The following HMCES variants were observed in gnomAD, a reference collection of about 807,000 sequenced individuals.
The protein encoded by HMCES is abasic site processing protein HMCES.
A neutral mutation model predicts 35.1 loss-of-function variants in HMCES; 27 were observed. The observed-to-expected ratio is 0.77, with a 90% CI of 0.57 to 1.06. The LOEUF is 1.06. HMCES is among the 50% of genes least tolerant of loss of function. The pLI, the probability that HMCES is intolerant of heterozygous loss-of-function variation, is 0.00. For missense variants in HMCES, 391 were observed against 430.4 expected, an observed-to-expected ratio of 0.91 and a Z score of 0.81; for synonymous variants, 130 against 154.7, an observed-to-expected ratio of 0.84 and a Z score of 1.18.
At chr3:129,295,370 G>A (rs1490304698) in intron 4 of HMCES, among the ~76,000 whole-genome samples, 2 of 150,168 alleles carry the variant, frequency 1.3e-5, no homozygotes, top group Non-Finnish European at 3.0e-5. Context: ...TTAGGAGGTC[G>A]AAGTTGCAGT....
chr3:129,302,117 C>A lies in HMCES; in HGVS notation c.803C>A (p.Ala268Asp), dbSNP rs996306005. The A allele has an allele frequency of 6.2e-7, 1 of 1,613,026 alleles. No individual in the cohort carries two copies. Among genetic ancestry groups the A allele is most frequent in the Admixed American group, 1.7e-5 (1 of 59,760 alleles). The change falls in exon 6 of 7, where the codon GCT becomes GAT. Residue 268 changes from alanine to aspartate, a missense_variant. Transcript: ENST00000383463. The stretch of plus-strand genomic sequence containing the variant: ...CGAAACAACACTCCTGAGTGTCTGG[C>A]TCCTGTCGACTTGGTGGTCAAAAAG... Reference protein sequence around the residue: ...NSRNNTPECLAPVDLVVKKEL... With the variant: ...NSRNNTPECLDPVDLVVKKEL...
At position 129,304,855 on chromosome 3, in the gene HMCES, T is replaced by TCTG; in HGVS notation, c.*35_*37dup. On this transcript the variant is annotated 3_prime_UTR_variant, in exon 7 of 7. Transcript: ENST00000383463. ...GGACTTTCAGAGACCAAGGCCAGGGTCTGCTGCACTGCTGTTCTGATAATA... is the reference window on the plus strand; with the variant it reads ...GGACTTTCAGAGACCAAGGCCAGGGTCTGCTGCTGCACTGCTGTTCTGATAATA... The TCTG allele has an allele frequency of 6.6e-7, 1 of 1,516,500 alleles. No homozygotes were observed. Among genetic ancestry groups the TCTG allele is most frequent in the Non-Finnish European group, 9.2e-7 (1 of 1,091,810 alleles). 93.9% of individuals were successfully genotyped at this position (1,516,500 alleles called of 1,614,324 possible).
intron 2 of HMCES, among the ~76,000 whole-genome samples, chr3:129,287,196 T>G (rs140243844): frequency 4.9e-4 from 72 of 147,770 alleles, no homozygotes; most frequent in East Asian, 2.9e-3. Context: ...GTGTTTTTGT[T>G]TTTTTTTGTG....
At chr3:129,293,433 T>G (rs2071048588) in intron 4 of HMCES, among the ~76,000 whole-genome samples, 1 of 152,118 alleles carries the variant, frequency 6.6e-6, no homozygotes, top group South Asian at 2.1e-4. Flanking sequence ...AACACACAAA[T>G]GATTTGGTAC....
intron 5 of HMCES, among the ~76,000 whole-genome samples, chr3:129,300,417 G>A (rs563820448): frequency 6.6e-6 from 1 of 152,092 alleles, no homozygotes; most frequent in Non-Finnish European, 1.5e-5. Flanking sequence ...AGTGGCATTG[G>A]AACAGATTTG....
At chr3:129,290,913 A>T (rs2071006989) in intron 4 of HMCES, 109 bp downstream of exon 4, 3 of 1,184,208 alleles carry the variant, frequency 2.5e-6, no homozygotes, top group Non-Finnish European at 3.5e-6. Context: ...TTTTAAAATA[A>T]CAGCTTTGGC....
At position 129,304,911 on chromosome 3, in the gene HMCES, C is replaced by A; in HGVS notation, c.*86C>A. ...TTAACATTGTATGTATATGTGTTTG[C>A]TTTGGGAGGAGGTGGCACTGTGTTA... On this transcript the variant is annotated 3_prime_UTR_variant, in exon 7 of 7. Transcript: ENST00000383463. 1 of 1,115,856 alleles carries A rather than the reference C, an allele frequency of 9.0e-7. No homozygotes were observed. The allele number at this position is 1,115,856 out of a possible 1,614,324, so 69.1% of individuals were successfully genotyped here. A position where few individuals can be genotyped will look rare whatever the true frequency, so the allele number is the denominator to read the frequency against.
chr3:129,288,836 ATCT>A lies in HMCES; in HGVS notation c.184-14_184-12del, dbSNP rs1576983065. 1 of 1,488,320 alleles carries A rather than the reference ATCT, an allele frequency of 6.7e-7. No homozygotes were observed. Among genetic ancestry groups the A allele is most frequent in the Non-Finnish European group, 9.1e-7 (1 of 1,097,614 alleles). The allele number at this position is 1,488,320 out of a possible 1,614,324, so 92.2% of individuals were successfully genotyped here. ...AATTTCATTATGATCTCCTCACTAG[ATCT>A]TCTCTCCGTGGCAGGATGCAGACTC... On this transcript the variant is annotated splice_polypyrimidine_tract_variant and intron_variant, in intron 2 of 6. Transcript: ENST00000383463.
chr3:129,285,653 C>T (rs376199486), intron 2 of HMCES, among the ~76,000 whole-genome samples: 2 of 151,644 alleles, frequency 1.3e-5, no homozygotes, highest in African/African-American at 4.8e-5. Context: ...CGGGGTTTCA[C>T]CGTGTTAGCC....
chr3:129,279,589 T>G lies in HMCES; in HGVS notation c.-23-121T>G. Reference sequence around the variant, plus strand: ...TTTGTGGGACTTTTTGGGGAAGACTTTAGACGGTGGTCACGGAGGGGCACG... The same window carrying G: ...TTTGTGGGACTTTTTGGGGAAGACTGTAGACGGTGGTCACGGAGGGGCACG... On this transcript the variant is annotated intron_variant, in intron 1 of 6. Transcript: ENST00000383463. The surrounding 1 kb of genome is among the most constrained non-coding windows in gnomAD (Gnocchi z 4.2). 1.0e-6 allele frequency: 1 copy of G among 977,500 alleles called. No individual in the cohort carries two copies. The highest frequency in any genetic ancestry group is 1.5e-6 in the Non-Finnish European group (1 of 662,172). 60.6% of individuals were successfully genotyped at this position (977,500 alleles called of 1,614,324 possible). A position where few individuals can be genotyped will look rare whatever the true frequency, so the allele number is the denominator to read the frequency against.
intron 3 of HMCES, among the ~76,000 whole-genome samples, chr3:129,289,376 C>T (rs561966092): frequency 2.0e-5 from 3 of 152,212 alleles, no homozygotes; most frequent in East Asian, 3.9e-4. Flanking sequence ...ATGCCTAGCT[C>T]GAGGGTGTCA....
intron 4 of HMCES, among the ~76,000 whole-genome samples, chr3:129,291,091 A>G (rs1186488349): frequency 2.6e-5 from 4 of 152,032 alleles, no homozygotes; most frequent in African/African-American, 9.7e-5. Context: ...AGTCCCAGCT[A>G]CTCGGAAGGC....
chr3:129,279,377 C>G lies in HMCES; in HGVS notation c.-23-333C>G, dbSNP rs1940394109. On this transcript the variant is annotated intron_variant, in intron 1 of 6. Transcript: ENST00000383463. This position sits in a 1 kb window ranked among gnomAD's most constrained non-coding sequence, Gnocchi z 4.2. ...GGACGGGGAGTTGGGGGCACCAAGT[C>G]ACCCGGAGGAGGCGACCCCAGCTAG... Among the ~76,000 whole-genome samples, 1 of 152,144 alleles carries G rather than the reference C, an allele frequency of 6.6e-6. No homozygotes were observed.
chr3:129,301,961 T>C lies in HMCES; in HGVS notation c.647T>C (p.Ile216Thr). 6.2e-7 allele frequency: 1 copy of C among 1,613,228 alleles called. No homozygotes were observed. Among genetic ancestry groups the C allele is most frequent in the Non-Finnish European group, 8.5e-7 (1 of 1,179,458 alleles). Residue 216 changes from isoleucine (I) to threonine (T), a missense_variant, in exon 6 of 7, where the codon ATA becomes ACA. Physicochemically the swap from Ile to Thr is moderately conservative, Grantham distance 89 (BLOSUM62 -1). Transcript: ENST00000383463. The stretch of plus-strand genomic sequence containing the variant: ...ACTTCCCTGGCCAGGATGCCTGCCA[T>C]ATTAGATGGAGAGGAGGCAGTTTCT... Reference protein sequence around the residue: ...LSDIHHRMPAILDGEEAVSKW... With the variant: ...LSDIHHRMPATLDGEEAVSKW...
chr3:129,304,793 G>A lies in HMCES; in HGVS notation c.1033G>A (p.Glu345Lys). ...ATGGCTGAAGCGGGAGAAGGAGGAGGAACCTGTGGCCAAGCGTCCTTACAG... is the reference window on the plus strand; with the variant it reads ...ATGGCTGAAGCGGGAGAAGGAGGAGAAACCTGTGGCCAAGCGTCCTTACAG... ...EQWLKREKEE[E>K]PVAKRPYSQ Residue 345 changes from glutamate to lysine, a missense_variant, in exon 7 of 7, where the codon GAA becomes AAA. By Grantham distance (56) the Glu-to-Lys change is moderately conservative. Transcript: ENST00000383463. 1 of 1,614,162 alleles carries A rather than the reference G, an allele frequency of 6.2e-7. No individual in the cohort carries two copies. The highest frequency in any genetic ancestry group is 8.5e-7 in the Non-Finnish European group (1 of 1,180,018).
intron 6 of HMCES, 31 bp downstream of exon 6, chr3:129,302,173 T>C: frequency 6.5e-7 from 1 of 1,541,336 alleles, no homozygotes; most frequent in South Asian, 1.2e-5. Flanking sequence ...CAGTCCTTTT[T>C]GAGCTTTCTG....
intron 2 of HMCES, among the ~76,000 whole-genome samples, chr3:129,282,975 G>A (rs982905988): frequency 6.6e-6 from 1 of 152,188 alleles, no homozygotes; most frequent in Non-Finnish European, 1.5e-5. Context: ...TGGAATTTGT[G>A]AGAGCAGAAT....
In HMCES at chr3:129,290,536, G is replaced by A. The variant is rs527267202; in HGVS notation, c.328-143G>A. On this transcript the variant is annotated intron_variant, in intron 3 of 6. Coordinates refer to ENST00000383463, the MANE Select transcript of HMCES (RefSeq NM_020187.3). ...TGACCTCAAGTGATCCTCCCATCTC[G>A]GCCGCCCAAAGTGTTGGGATTACAG... 4.0e-5 allele frequency: 28 copies of A among 691,702 alleles called. 1 individual carries two copies. In the South Asian group the frequency reaches 5.1e-4, roughly 13 times the overall value. The allele number at this position is 691,702 out of a possible 1,614,324, so 42.8% of individuals were successfully genotyped here.
intron 2 of HMCES, among the ~76,000 whole-genome samples, chr3:129,283,114 C>T (rs895601817): frequency 5.3e-5 from 8 of 152,128 alleles, no homozygotes; most frequent in African/African-American, 9.7e-5. Flanking sequence ...TCCACAATAG[C>T]ATCCCCCAGA....
Sources: allele counts gnomAD v4.1 joint callset (sites outside exome capture counted in the v4.1 genomes callset), GRCh38; gene constraint gnomAD v4.1.1; non-coding constraint Gnocchi (gnomAD v3.1); transcripts MANE v1.5; gene names NCBI Gene and HGNC (gene_info 2026-07-23, HGNC 2026-07-21).